Variants in HTT observed in about 807,000 individuals in gnomAD.
HTT encodes huntingtin, also known as huntington disease protein.
Under a neutral mutation model 362.3 loss-of-function variants are expected in HTT, and 104 were observed. The ratio of observed to expected loss-of-function variants is 0.29; its 90% CI spans 0.24 to 0.34. The LOEUF (loss-of-function observed/expected upper bound fraction) is 0.34, where lower values mean the gene tolerates loss of function less well. HTT is among the 10% of genes least tolerant of loss of function. The pLI is 1.00. For missense variants in HTT, 3,301 were observed against 3,928.6 expected (o/e 0.84, Z 4.27); for synonymous variants, 1,577 against 1,548.7 (o/e 1.02, Z -0.43).
Position 3,083,886 on chromosome 4 carries a change from C to CA in HTT, c.264-3052dup, listed in dbSNP as rs573925035. 1.2e-4 allele frequency among the ~76,000 whole-genome samples: 18 copies of CA among 152,228 alleles called. 1 individual carries two copies. In the South Asian group the frequency reaches 3.7e-3, roughly 32 times the overall value. On this transcript the variant is annotated intron_variant, in intron 1 of 66. Coordinates refer to ENST00000355072, the MANE Select transcript of HTT (RefSeq NM_001388492.1). The stretch of plus-strand genomic sequence containing the variant: ...TAATATCTAAGAACTGGAATCAGCT[C>CA]AGATGTCCTTCAACAGGTGAATGGT...
At position 3,228,176 on chromosome 4, in the gene HTT, C is replaced by T. The variant is rs1721010176; in HGVS notation, c.7849-439C>T. On this transcript the variant is annotated intron_variant, in intron 57 of 66. Transcript: ENST00000355072. This position sits in a 1 kb window ranked among gnomAD's most constrained non-coding sequence, Gnocchi z 4.3. ...AGGTGTGCTGACTGCGTGGTGGCTGCGTGATCTAGAGCGCGGGTCACAAAG... is the reference window on the plus strand; with the variant it reads ...AGGTGTGCTGACTGCGTGGTGGCTGTGTGATCTAGAGCGCGGGTCACAAAG... 6.6e-6 allele frequency among the ~76,000 whole-genome samples: 1 copy of T among 152,162 alleles called. No homozygotes were observed. The highest frequency in any genetic ancestry group is 2.1e-4 in the South Asian group (1 of 4,828).
intron 38 of HTT, 34 bp from the exon 39 acceptor site, chr4:3,187,617 T>G (rs1054882547): frequency 8.1e-6 from 12 of 1,483,968 alleles, no homozygotes; most frequent in Non-Finnish European, 1.1e-5. Context: ...TCCTTTTTTC[T>G]TCAGCTGTGA....
In HTT at chr4:3,213,827, TTC is replaced by T. The variant is rs1488208138; in HGVS notation, c.6775-129_6775-128del. ...TAATGGAGCCATGTCAGAGCTGTCC[TTC>T]TGGAAGGGCAAGGGCACCTGGACGC... On this transcript the variant is annotated intron_variant, in intron 49 of 66. Transcript: ENST00000355072. The T allele has an allele frequency of 5.7e-6, 4 of 703,450 alleles. No individual in the cohort carries two copies. In the African/African-American group the frequency reaches 7.3e-5, roughly 13 times the overall value. The allele number at this position is 703,450 out of a possible 1,614,324, so 43.6% of individuals were successfully genotyped here. A position where few individuals can be genotyped will look rare whatever the true frequency, so the allele number is the denominator to read the frequency against.
At chr4:3,095,597 A>C (rs1308390773) in intron 2 of HTT, among the ~76,000 whole-genome samples, 1 of 152,220 alleles carries the variant, frequency 6.6e-6, no homozygotes, top group African/African-American at 2.4e-5. Flanking sequence ...TAAAACTGTG[A>C]AAGAAAAAAT....
At chr4:3,128,300 G>A (rs1450872623) in intron 12 of HTT, 2 of 152,074 alleles carry the variant, frequency 1.3e-5, no homozygotes, top group Non-Finnish European at 2.9e-5. Context: ...TTGTTCTCTT[G>A]TTATCTAATA....
Position 3,228,978 on chromosome 4 carries a change from C to A in HTT, c.8078C>A (p.Pro2693Gln). Residue 2693 changes from proline (P) to glutamine (Q), a missense_variant, in exon 59 of 67, where the codon CCG (proline) becomes CAG (glutamine). Transcript: ENST00000355072. The surrounding 1 kb of genome is among the most constrained non-coding windows in gnomAD (Gnocchi z 4.3). The stretch of plus-strand genomic sequence containing the variant: ...CCGTCCAGCTCAGCCAGGAGGACCC[C>A]GGCCATCCTGATCAGTGAGGTGGTC... ...ILPSSSARRT[P>Q]AILISEVVRS... The A allele has an allele frequency of 6.2e-7, 1 of 1,613,674 alleles. No homozygotes were observed. Among genetic ancestry groups the A allele is most frequent in the East Asian group, 2.2e-5 (1 of 44,874 alleles).
intron 12 of HTT, chr4:3,128,864 C>T (rs1290603348): frequency 6.6e-6 from 1 of 152,204 alleles, no homozygotes; most frequent in African/African-American, 2.4e-5. Context: ...GGAATCATTG[C>T]TACCACCCAT....
chr4:3,112,186 G>T (rs551603074), intron 6 of HTT, among the ~76,000 whole-genome samples: 1 of 152,148 alleles, frequency 6.6e-6, no homozygotes, highest in South Asian at 2.1e-4. Context: ...TCAATCCAGC[G>T]TGTTGGATTA....
rs888848962 is a variant in HTT, at chr4:3,239,711, C to T, written c.9216-135C>T. The T allele has an allele frequency of 4.5e-6, 3 of 674,034 alleles. No homozygotes were observed. In the African/African-American group the frequency reaches 5.4e-5, roughly 12 times the overall value. 41.8% of individuals were successfully genotyped at this position (674,034 alleles called of 1,614,324 possible). A position where few individuals can be genotyped will look rare whatever the true frequency, so the allele number is the denominator to read the frequency against. ...ATGCAGCTGGAGGCATCCAGGTGGCCCTTCCGGGGCTCTGCTCGCTCTCCA... is the reference window on the plus strand; with the variant it reads ...ATGCAGCTGGAGGCATCCAGGTGGCTCTTCCGGGGCTCTGCTCGCTCTCCA... On this transcript the variant is annotated intron_variant, in intron 66 of 66. Coordinates refer to ENST00000355072, the MANE Select transcript of HTT (RefSeq NM_001388492.1).
At chr4:3,115,220 C>T (rs552855251) in intron 6 of HTT, 84 bp from the exon 7 acceptor site, 1 of 1,371,936 alleles carries the variant, frequency 7.3e-7, no homozygotes, top group East Asian at 2.3e-5. Flanking sequence ...TTGGAAACTT[C>T]TAATTCACGT....
chr4:3,204,659 C>T lies in HTT; in HGVS notation c.5718+511C>T, dbSNP rs371178809. Among the ~76,000 whole-genome samples the T allele has an allele frequency of 5.3e-5, 8 of 152,116 alleles. No homozygotes were observed. The South Asian group carries it at 1.7e-3, about 32-fold the overall frequency. On this transcript the variant is annotated intron_variant, in intron 42 of 66. Coordinates refer to ENST00000355072, the MANE Select transcript of HTT (RefSeq NM_001388492.1). ...CTGGGCTATGGTGTGAGACACCCATCTCTAAAAAAATAAAAAATAAAAAAT... is the reference window on the plus strand; with the variant it reads ...CTGGGCTATGGTGTGAGACACCCATTTCTAAAAAAATAAAAAATAAAAAAT...
Position 3,125,480 on chromosome 4 carries a change from T to G in HTT, c.1322-69T>G. 8.9e-6 allele frequency: 8 copies of G among 901,714 alleles called. No homozygotes were observed. In the South Asian group the frequency reaches 1.1e-4, roughly 12 times the overall value. 55.9% of individuals were successfully genotyped at this position (901,714 alleles called of 1,614,324 possible). ...TATTCTTATGAGTTTCATTTTAGAGTGCATTTACTTAATTTTGAAGTCCTT... is the reference window on the plus strand; with the variant it reads ...TATTCTTATGAGTTTCATTTTAGAGGGCATTTACTTAATTTTGAAGTCCTT... On this transcript the variant is annotated intron_variant, in intron 10 of 66. Transcript: ENST00000355072.
intron 44 of HTT, 142 bp from the exon 45 acceptor site, chr4:3,207,139 G>A (rs1719902910): frequency 1.9e-6 from 2 of 1,029,426 alleles, no homozygotes; most frequent in African/African-American, 1.6e-5. Context: ...TCGTGTGTCC[G>A]ATCTGACTGT....
At chr4:3,147,655 AG>A (rs756416028) in intron 25 of HTT, among the ~76,000 whole-genome samples, 2 of 152,198 alleles carry the variant, frequency 1.3e-5, no homozygotes, top group Non-Finnish European at 2.9e-5. Context: ...GTTGATGCTA[AG>A]GCAAGATAAT....
chr4:3,090,679 A>G (rs148249279), intron 2 of HTT, among the ~76,000 whole-genome samples: 1 of 152,380 alleles, frequency 6.6e-6, no homozygotes, highest in African/African-American at 2.4e-5. Flanking sequence ...CTTTCTAGAT[A>G]GGAAGATTTT....
chr4:3,187,763 T>C lies in HTT; in HGVS notation c.5102T>C (p.Phe1701Ser). 6.2e-7 allele frequency: 1 copy of C among 1,613,376 alleles called. No individual in the cohort carries two copies. The highest frequency in any genetic ancestry group is 8.5e-7 in the Non-Finnish European group (1 of 1,179,296). ...CTTTCTCGTATTCAGGAGCTCTCCT[T>C]CTCTCCGTATTTAATCTCCTGTACA... The part of the protein sequence containing the change: ...IVLSRIQELS[F>S]SPYLISCTVI... The change falls in exon 39 of 67, where the codon TTC (phenylalanine) becomes TCC (serine). Residue 1701 changes from phenylalanine to serine, a missense_variant. This residue lies in a region of HTT where 2,316 missense variants were observed against 2,658.5 expected (regional missense o/e 0.87). Transcript: ENST00000355072.
At chr4:3,134,349 G>C in intron 18 of HTT, 52 bp from the exon 19 acceptor site, 1 of 1,553,560 alleles carries the variant, frequency 6.4e-7, no homozygotes, top group Non-Finnish European at 8.7e-7. Context: ...CAAGACGCGG[G>C]TACTGAGTGG....
intron 53 of HTT, among the ~76,000 whole-genome samples, chr4:3,220,967 A>G (rs904897366): frequency 1.3e-5 from 2 of 152,070 alleles, no homozygotes; most frequent in African/African-American, 4.8e-5. Context: ...GTTACCCCTT[A>G]TTTCTAAATA....
intron 12 of HTT, 153 bp from the exon 13 acceptor site, chr4:3,129,771 C>T (rs907333535): frequency 5.5e-5 from 44 of 807,032 alleles, no homozygotes; most frequent in East Asian, 7.9e-5. Flanking sequence ...AGTTTCCATG[C>T]GTGCATTTCT....
Sources: gnomAD v4.1 joint callset for allele counts (sites outside exome capture counted in the v4.1 genomes callset) on GRCh38, gnomAD v4.1.1 for gene constraint, gnomAD v4.1.1 regional missense constraint, Gnocchi (gnomAD v3.1) non-coding constraint, MANE v1.5 for transcripts, NCBI Gene and HGNC (gene_info 2026-07-23, HGNC 2026-07-21) for gene names.